KLF8: variants seen among roughly 807,000 people sequenced by gnomAD.
KLF8 encodes the protein Krueppel-like factor 8.
KLF8 carries 10 observed loss-of-function variants against 18.2 expected under a neutral mutation model. The observed-to-expected ratio is 0.55, with a 90% CI of 0.34 to 0.93. The LOEUF (loss-of-function observed/expected upper bound fraction) is 0.93. Among genes scored for constraint, KLF8 ranks in the 40% least tolerant of loss-of-function variants. The pLI is 0.02. For missense variants in KLF8, 264 were observed against 277.9 expected (o/e 0.95, Z 0.36); for synonymous variants, 109 against 97.3 (o/e 1.12, Z -0.71).
the KLF8 span, among the ~76,000 whole-genome samples, chrX:56,121,090 G>A: frequency 9.4e-6 from 1 of 106,517 alleles, no homozygotes; most frequent in Admixed American, 1.0e-4. Flanking sequence ...GGAGGCTGAG[G>A]CAGGAGAATG....
chrX:55,955,757 G>C, the KLF8 span, among the ~76,000 whole-genome samples: 137 of 111,474 alleles, frequency 1.2e-3, 1 homozygote, highest in Non-Finnish European at 3.4e-4. Context: ...AGTCTTCCTT[G>C]TTCACTGCTG....
the KLF8 span, among the ~76,000 whole-genome samples, chrX:56,050,000 G>A: frequency 9.0e-6 from 1 of 111,415 alleles, no homozygotes; most frequent in South Asian, 3.8e-4. Context: ...TCTTGGCAGG[G>A]TGTATGTGTC....
At chrX:56,053,746 T>C in the KLF8 span, among the ~76,000 whole-genome samples, 1 of 110,065 alleles carries the variant, frequency 9.1e-6, no homozygotes, top group Non-Finnish European at 1.9e-5. Flanking sequence ...AGGGTGTATG[T>C]GTCCAGGAAT....
At chrX:56,068,445 C>A in the KLF8 span, among the ~76,000 whole-genome samples, 1 of 111,839 alleles carries the variant, frequency 8.9e-6, no homozygotes, top group African/African-American at 3.3e-5. Flanking sequence ...ACCAGGTGAG[C>A]AACACTTCCT....
At chrX:56,043,903 C>T in the KLF8 span, among the ~76,000 whole-genome samples, 1 of 112,607 alleles carries the variant, frequency 8.9e-6, no homozygotes, top group East Asian at 2.8e-4. Context: ...GAGTTTTCAG[C>T]ATTTTTCTGT....
chrX:56,265,383 G>A lies in KLF8; in HGVS notation c.285G>A (p.Lys95=). 1 of 1,211,215 alleles carries A rather than the reference G, an allele frequency of 8.3e-7. No individual in the cohort carries two copies. The highest frequency in any genetic ancestry group is 1.1e-6 in the Non-Finnish European group (1 of 895,307). ...EPVDLSFHKP[K]APLQPASMLQ... is the part of the protein sequence containing the mutation. ...TTGACCTCTCCTTTCACAAGCCCAAGGCTCCTCTCCAGCCTGCTAGCATGC... is the reference window on the plus strand; with the variant it reads ...TTGACCTCTCCTTTCACAAGCCCAAAGCTCCTCTCCAGCCTGCTAGCATGC... Residue 95 remains lysine, a synonymous_variant, in exon 3 of 6, where the codon AAG becomes AAA. Coordinates refer to ENST00000468660, the MANE Select transcript of KLF8 (RefSeq NM_007250.5).
the KLF8 span, among the ~76,000 whole-genome samples, chrX:56,030,086 T>G: frequency 8.9e-6 from 1 of 112,600 alleles, no homozygotes. Flanking sequence ...AATGTACATA[T>G]GATAGGCCTC....
chrX:56,121,865 A>T, the KLF8 span, among the ~76,000 whole-genome samples: 3 of 112,397 alleles, frequency 2.7e-5, no homozygotes, highest in South Asian at 1.1e-3. Flanking sequence ...ATCATTTCCA[A>T]CTGTGTGTGT....
At chrX:56,253,682 G>C (rs1487139791) in intron 2 of KLF8, among the ~76,000 whole-genome samples, 1 of 108,417 alleles carries the variant, frequency 9.2e-6, no homozygotes, top group Non-Finnish European at 1.9e-5. Context: ...AGGATAACAG[G>C]CTATTCTCGG....
At chrX:56,066,023 A>T in the KLF8 span, among the ~76,000 whole-genome samples, 1 of 111,595 alleles carries the variant, frequency 9.0e-6, no homozygotes, top group Non-Finnish European at 1.9e-5. Context: ...GCTCAGGTAC[A>T]GGCAGTTTCA....
chrX:56,260,523 A>G (rs1240083621), intron 2 of KLF8, among the ~76,000 whole-genome samples: 1 of 111,898 alleles, frequency 8.9e-6, no homozygotes, highest in Non-Finnish European at 1.9e-5. Flanking sequence ...ACATATGTAC[A>G]TACATTTGTA....
At chrX:55,991,368 G>A in the KLF8 span, among the ~76,000 whole-genome samples, 1 of 111,942 alleles carries the variant, frequency 8.9e-6, no homozygotes, top group Non-Finnish European at 1.9e-5. Context: ...GCAGTATTAG[G>A]GTGGGAGTGA....
chrX:56,173,435 T>C, the KLF8 span, among the ~76,000 whole-genome samples: 2 of 111,716 alleles, frequency 1.8e-5, no homozygotes, highest in Non-Finnish European at 3.8e-5. Flanking sequence ...TTCTGAAGGC[T>C]CTGTTCTGTT....
chrX:55,972,575 T>A, the KLF8 span, among the ~76,000 whole-genome samples: 1 of 111,593 alleles, frequency 9.0e-6, no homozygotes, highest in East Asian at 2.8e-4. Flanking sequence ...CTTGAGGTGA[T>A]GAATACTACA....
the KLF8 span, among the ~76,000 whole-genome samples, chrX:56,082,150 A>G: frequency 7.2e-5 from 8 of 111,595 alleles, no homozygotes; most frequent in African/African-American, 2.6e-4. Flanking sequence ...ATGTATGCAG[A>G]TTTTGCCATT....
chrX:55,987,622 C>G, the KLF8 span, among the ~76,000 whole-genome samples: 1 of 112,008 alleles, frequency 8.9e-6, no homozygotes, highest in African/African-American at 3.2e-5. Flanking sequence ...TAGGTTGGAT[C>G]CAAGGCTTTG....
the KLF8 span, among the ~76,000 whole-genome samples, chrX:56,053,728 A>T: frequency 9.2e-6 from 1 of 108,908 alleles, no homozygotes; most frequent in Non-Finnish European, 1.9e-5. Context: ...TCCTGGTTTC[A>T]TCTTGGGAGG....
chrX:55,997,244 G>A, the KLF8 span, among the ~76,000 whole-genome samples: 1 of 111,899 alleles, frequency 8.9e-6, no homozygotes, highest in Non-Finnish European at 1.9e-5. Flanking sequence ...AGTTAACAAA[G>A]GTGAAAGGCA....
In KLF8 at chrX:56,256,725, C is replaced by T. The variant is rs193289497; in HGVS notation, c.81+6421C>T. On this transcript the variant is annotated intron_variant, in intron 2 of 5. Coordinates refer to ENST00000468660, the MANE Select transcript of KLF8 (RefSeq NM_007250.5). ...AGTTGGTTTTTTTGTTTGTTTGTGACAGAGTTTCACTGTTGTTGCCCAGTC... is the reference window on the plus strand; with the variant it reads ...AGTTGGTTTTTTTGTTTGTTTGTGATAGAGTTTCACTGTTGTTGCCCAGTC... Among the ~76,000 whole-genome samples, 188 of 111,891 alleles carry T rather than the reference C, an allele frequency of 1.7e-3. 1 individual carries two copies. Among genetic ancestry groups the T allele is most frequent in the Non-Finnish European group, 3.0e-3 (162 of 53,231 alleles).
Sources: gnomAD v4.1 joint callset for allele counts (sites outside exome capture counted in the v4.1 genomes callset) on GRCh38, gnomAD v4.1.1 for gene constraint, MANE v1.5 for transcripts, NCBI Gene and HGNC (gene_info 2026-07-23, HGNC 2026-07-21) for gene names.